The following RBFOX1 variants were observed in gnomAD, a reference collection of about 807,000 sequenced individuals.
RBFOX1 encodes RNA binding fox-1 homolog 1.
In RBFOX1, 8 loss-of-function variants were observed where a neutral mutation model predicts 57.7. That is an observed-to-expected ratio of 0.14 (90% CI 0.08 to 0.25). RBFOX1 has a LOEUF of 0.25. Ranked by LOEUF, RBFOX1 falls within the 10% of genes least tolerant of loss-of-function variation. RBFOX1 has a pLI of 1.00. For synonymous variants in RBFOX1, 326 were observed against 222.4 expected, an observed-to-expected ratio of 1.47 and a Z score of -4.15; for missense variants, 611 against 548.5, an observed-to-expected ratio of 1.11 and a Z score of -1.14.
At chr16:7,704,146 C>T (rs1477823784) in intron 14 of RBFOX1, among the ~76,000 whole-genome samples, 1 of 152,192 alleles carries the variant, frequency 6.6e-6, no homozygotes, top group Admixed American at 6.5e-5. Flanking sequence ...ATCATAAAAG[C>T]AGAACTCAAA....
At chr16:6,956,726 A>C (rs1296433127) in intron 3 of RBFOX1, among the ~76,000 whole-genome samples, 1 of 152,204 alleles carries the variant, frequency 6.6e-6, no homozygotes, top group African/African-American at 2.4e-5. Flanking sequence ...AAAACAATTT[A>C]ATATCATCTT....
At chr16:5,467,217 A>G (rs1350739328) in exon 2 of RBFOX1, 4 of 1,484,080 alleles carry the variant, frequency 2.7e-6, no homozygotes, top group African/African-American at 1.5e-5. Flanking sequence ...TTAATGCAGG[A>G]TCTACTGTGC....
intron 1 of RBFOX1, among the ~76,000 whole-genome samples, chr16:6,122,310 T>C (rs2096556413): frequency 6.6e-6 from 1 of 151,896 alleles, no homozygotes; most frequent in African/African-American, 2.4e-5. Flanking sequence ...TCCTCAATAA[T>C]TTGTGTATTT....
chr16:6,284,200 C>CA (rs752119976), intron 1 of RBFOX1, among the ~76,000 whole-genome samples: 8 of 152,146 alleles, frequency 5.3e-5, no homozygotes, highest in Non-Finnish European at 8.8e-5. Flanking sequence ...ATTCTGCTTG[C>CA]AATTTATATT....
chr16:5,569,453 TTTTTTTTTTTTTTTC>T (rs1567240758), intron 2 of RBFOX1, among the ~76,000 whole-genome samples: 13 of 126,658 alleles, frequency 1.0e-4, no homozygotes, highest in South Asian at 2.9e-4. Flanking sequence ...TTTTTTTTTT[TTTTTTTTTTTTTTTC>T]TTCTTCTTTT....
intron 5 of RBFOX1, among the ~76,000 whole-genome samples, chr16:7,575,760 A>T (rs537820466): frequency 6.9e-4 from 105 of 152,240 alleles, no homozygotes; most frequent in African/African-American, 2.4e-3. Flanking sequence ...GGTTCTAAAT[A>T]TGTTTTCCCC....
chr16:5,617,032 C>A lies in RBFOX1; in HGVS notation c.318+18071C>A, dbSNP rs76455715. 6.3e-3 allele frequency among the ~76,000 whole-genome samples: 951 copies of A among 152,074 alleles called. 5 individuals carry two copies. The highest frequency in any genetic ancestry group is 0.022 in the African/African-American group (902 of 41,468). On this transcript the variant is annotated intron_variant, in intron 3 of 19. Coordinates refer to the RBFOX1 transcript ENST00000641259. ...CTGAGTTAGAGACTAGATCATGAGT[C>A]CCAGCTGCGGTTGCTGAGGGGTTGA...
At chr16:6,071,338 A>C (rs2095835419) in intron 1 of RBFOX1, among the ~76,000 whole-genome samples, 1 of 152,220 alleles carries the variant, frequency 6.6e-6, no homozygotes, top group Admixed American at 6.5e-5. Context: ...AACAGGAAAC[A>C]AACAAAGAAA....
chr16:6,072,596 T>C (rs1209348181), intron 1 of RBFOX1, among the ~76,000 whole-genome samples: 1 of 152,022 alleles, frequency 6.6e-6, no homozygotes, highest in Non-Finnish European at 1.5e-5. Context: ...TTCCAGTTTT[T>C]CCACTTCCAG....
At chr16:6,541,477 C>G (rs1048523388) in intron 2 of RBFOX1, among the ~76,000 whole-genome samples, 1 of 152,170 alleles carries the variant, frequency 6.6e-6, no homozygotes, top group Non-Finnish European at 1.5e-5. Context: ...AGTCAGTGAT[C>G]TGCCGAGAAA....
At chr16:5,583,520 G>T (rs1323898073) in intron 2 of RBFOX1, among the ~76,000 whole-genome samples, 2 of 152,122 alleles carry the variant, frequency 1.3e-5, no homozygotes, top group African/African-American at 4.8e-5. Context: ...TGTTCTGACC[G>T]CGAGGCAATC....
intron 5 of RBFOX1, among the ~76,000 whole-genome samples, chr16:7,540,244 C>G (rs781203871): frequency 2.0e-5 from 3 of 152,208 alleles, no homozygotes; most frequent in Non-Finnish European, 4.4e-5. Context: ...CCAGATCTCG[C>G]TGTTTCCCTC....
At chr16:7,188,988 C>G (rs910868298) in intron 4 of RBFOX1, among the ~76,000 whole-genome samples, 1 of 152,062 alleles carries the variant, frequency 6.6e-6, no homozygotes, top group Non-Finnish European at 1.5e-5. Flanking sequence ...AGGGTTGGTT[C>G]AAGAACATCA....
At chr16:7,643,050 A>G (rs905993642) in intron 11 of RBFOX1, among the ~76,000 whole-genome samples, 4 of 152,236 alleles carry the variant, frequency 2.6e-5, no homozygotes, top group Admixed American at 6.5e-5. Context: ...TGTTGGATTA[A>G]TCTAGCCATT....
At chr16:5,762,202 T>A (rs1368593472) in intron 3 of RBFOX1, among the ~76,000 whole-genome samples, 2 of 152,204 alleles carry the variant, frequency 1.3e-5, no homozygotes, top group Non-Finnish European at 2.9e-5. Context: ...TTAAGATGTA[T>A]AGTTGAAGCT....
chr16:6,226,672 A>G (rs1440201498), intron 1 of RBFOX1, among the ~76,000 whole-genome samples: 1 of 152,158 alleles, frequency 6.6e-6, no homozygotes, highest in Non-Finnish European at 1.5e-5. Flanking sequence ...CAAACCTCTT[A>G]AGGGGTTTAT....
At chr16:7,592,010 T>G (rs2094466845) in intron 7 of RBFOX1, among the ~76,000 whole-genome samples, 8 of 151,936 alleles carry the variant, frequency 5.3e-5, no homozygotes, top group Admixed American at 5.2e-4. Flanking sequence ...GGTGAGAATT[T>G]TGATAACCTG....
intron 2 of RBFOX1, among the ~76,000 whole-genome samples, chr16:5,508,588 C>T (rs1262622211): frequency 6.6e-6 from 1 of 151,882 alleles, no homozygotes; most frequent in Non-Finnish European, 1.5e-5. Flanking sequence ...CTGCACAGAG[C>T]AGTTGCACAG....
At chr16:6,280,743 G>A (rs1460549441) in intron 1 of RBFOX1, among the ~76,000 whole-genome samples, 2 of 151,952 alleles carry the variant, frequency 1.3e-5, no homozygotes, top group African/African-American at 2.4e-5. Flanking sequence ...TGTTTATACC[G>A]GTCATTACAT....
Sources: allele counts gnomAD v4.1 joint callset (sites outside exome capture counted in the v4.1 genomes callset), GRCh38; gene constraint gnomAD v4.1.1; transcripts MANE v1.5; gene names NCBI Gene and HGNC (gene_info 2026-07-23, HGNC 2026-07-21).